The following DNAJC24 variants were observed in gnomAD, a reference collection of about 807,000 sequenced individuals.
The protein encoded by DNAJC24 is DnaJ heat shock protein family (Hsp40) member C24, also known as dnaJ homolog subfamily C member 24.
DNAJC24 carries 17 observed loss-of-function variants against 18.0 expected under a neutral mutation model. That is an observed-to-expected ratio of 0.94 (90% confidence interval 0.65 to 1.42). The LOEUF is 1.42. Ranked by LOEUF, DNAJC24 falls within the 40% of genes most tolerant of loss-of-function variation. DNAJC24 has a pLI of 0.00. For missense variants in DNAJC24, 158 were observed against 175.6 expected (o/e 0.90, Z 0.57); for synonymous variants, 55 against 57.7 (o/e 0.95, Z 0.21).
Position 31,431,785 on chromosome 11 carries a change from C to T in DNAJC24, c.*1384C>T, listed in dbSNP as rs1384808498. On this transcript the variant is annotated 3_prime_UTR_variant, in exon 5 of 5. Coordinates refer to ENST00000465995, the MANE Select transcript of DNAJC24 (RefSeq NM_181706.5). ...CGAGGTTGTGCCACTGCACTGCAGCCTGGGCTACAGAGAGCAAGACTCTGT... is the reference window on the plus strand; with the variant it reads ...CGAGGTTGTGCCACTGCACTGCAGCTTGGGCTACAGAGAGCAAGACTCTGT... 1 of 151,490 alleles carries T rather than the reference C, an allele frequency of 6.6e-6. No homozygotes were observed. Among genetic ancestry groups the T allele is most frequent in the Non-Finnish European group, 1.5e-5 (1 of 67,930 alleles). 9.4% of individuals were successfully genotyped at this position (151,490 alleles called of 1,614,324 possible). A position where few individuals can be genotyped will look rare whatever the true frequency, so the allele number is the denominator to read the frequency against.
At chr11:31,424,560 G>T (rs973242919) in intron 3 of DNAJC24, among the ~76,000 whole-genome samples, 1 of 152,208 alleles carries the variant, frequency 6.6e-6, no homozygotes, top group East Asian at 1.9e-4. Context: ...AAATTAACTT[G>T]TTTTGTTCAG....
At chr11:31,430,014 C>T (rs1952904173) in intron 4 of DNAJC24, 1 of 280,190 alleles carries the variant, frequency 3.6e-6, no homozygotes, top group African/African-American at 2.2e-5. Context: ...TGAGCATGCC[C>T]TCTCCTCCCA....
In DNAJC24 at chr11:31,414,835, G is replaced by C. The variant is rs746450440; in HGVS notation, c.136G>C (p.Asp46His). Reference sequence around the variant, plus strand: ...GTATCATCCAGATAAACAAAGTACAGATGTACCAGCAGGAACAGTGGAGGA... The same window carrying C: ...GTATCATCCAGATAAACAAAGTACACATGTACCAGCAGGAACAGTGGAGGA... ...LMYHPDKQST[D>H]VPAGTVEECV... The change falls in exon 3 of 5, where the codon GAT becomes CAT. Residue 46 changes from aspartate to histidine, a missense_variant. By Grantham distance (81) the Asp-to-His change is moderately conservative. Transcript: ENST00000465995. The C allele has an allele frequency of 6.2e-7, 1 of 1,613,714 alleles. No homozygotes were observed. Among genetic ancestry groups the C allele is most frequent in the Non-Finnish European group, 8.5e-7 (1 of 1,179,824 alleles).
intron 2 of DNAJC24, among the ~76,000 whole-genome samples, chr11:31,400,153 A>G (rs781171509): frequency 1.4e-4 from 21 of 152,150 alleles, no homozygotes; most frequent in African/African-American, 3.4e-4. Flanking sequence ...TCTTTATCCA[A>G]TCTATCACTG....
rs1417728742 is a variant in DNAJC24 at position 31,430,356 on chromosome 11, T to A, written c.405T>A (p.Ser135=). 4 of 1,610,132 alleles carry A rather than the reference T, an allele frequency of 2.5e-6. No homozygotes were observed. The South Asian group carries it at 4.4e-5, about 18-fold the overall frequency. Residue 135 remains serine, a synonymous_variant, in exon 5 of 5, where the codon TCT becomes TCA. Transcript: ENST00000465995. ...KDEAEEVSLI[S]CDTCSLIIEL... The stretch of plus-strand genomic sequence containing the variant: ...AAGCGGAAGAAGTTAGCCTGATTTC[T>A]TGTGATACATGTTCACTAATTATAG...
chr11:31,424,950 T>A (rs1453231365), intron 3 of DNAJC24, among the ~76,000 whole-genome samples: 1 of 151,972 alleles, frequency 6.6e-6, no homozygotes, highest in Admixed American at 6.6e-5. Flanking sequence ...GGGGAGTGGA[T>A]TTTAGTAGAG....
chr11:31,391,567 AC>A (rs1952496639), intron 2 of DNAJC24, among the ~76,000 whole-genome samples: 1 of 152,210 alleles, frequency 6.6e-6, no homozygotes, highest in South Asian at 2.1e-4. Context: ...ATGTCATCCC[AC>A]CCCAGTTAAA....
At chr11:31,426,390 A>AC in intron 4 of DNAJC24, 35 bp downstream of exon 4, 1 of 1,238,836 alleles carries the variant, frequency 8.1e-7, no homozygotes. Context: ...AACATTTAAA[A>AC]AAAAAAGGAA....
At chr11:31,404,104 T>A (rs950939995) in intron 2 of DNAJC24, among the ~76,000 whole-genome samples, 1 of 152,144 alleles carries the variant, frequency 6.6e-6, no homozygotes, top group Non-Finnish European at 1.5e-5. Flanking sequence ...TCACCAGAGG[T>A]CACTCTCGTG....
chr11:31,378,634 C>T (rs553125656), intron 2 of DNAJC24, among the ~76,000 whole-genome samples: 43 of 151,954 alleles, frequency 2.8e-4, no homozygotes, highest in Middle Eastern at 3.4e-3. Context: ...AAAAAGCAGG[C>T]AGTCAGTTAC....
rs541898576 is a variant in DNAJC24, at chr11:31,392,557, T to A, written c.111+21698T>A. Among the ~76,000 whole-genome samples, 13 of 152,188 alleles carry A rather than the reference T, an allele frequency of 8.5e-5. 1 individual carries two copies. The South Asian group carries it at 2.7e-3, about 32-fold the overall frequency. On this transcript the variant is annotated intron_variant, in intron 2 of 4. Coordinates refer to ENST00000465995, the MANE Select transcript of DNAJC24 (RefSeq NM_181706.5). The stretch of plus-strand genomic sequence containing the variant: ...CTTAAAAATATTTTTTCCTTACAAA[T>A]ATACCTTCATATAGACCTGGAAGAC...
chr11:31,370,842 C>G lies in DNAJC24; in HGVS notation c.94C>G (p.Gln32Glu). 6.2e-7 allele frequency: 1 copy of G among 1,600,330 alleles called. No homozygotes were observed. ...TATATCAGACCTAAAACAAAAATAT[C>G]AAAAACTCATATTAATGGTAAGTCT... is the stretch of plus-strand genomic sequence containing the variant. ...ANISDLKQKY[Q>E]KLILMYHPDK... The change falls in exon 2 of 5, where the codon CAA (glutamine) becomes GAA (glutamate). Residue 32 changes from glutamine (Q) to glutamate (E), a missense_variant. Coordinates refer to ENST00000465995, the MANE Select transcript of DNAJC24 (RefSeq NM_181706.5).
At chr11:31,395,635 T>C (rs569163948) in intron 2 of DNAJC24, among the ~76,000 whole-genome samples, 77 of 152,344 alleles carry the variant, frequency 5.1e-4, no homozygotes, top group African/African-American at 1.8e-3. Context: ...TTATTTGATT[T>C]TTACAAAACA....
chr11:31,383,985 T>C (rs1030742865), intron 2 of DNAJC24, among the ~76,000 whole-genome samples: 1 of 152,230 alleles, frequency 6.6e-6, no homozygotes, highest in Non-Finnish European at 1.5e-5. Context: ...GGCAAAATAC[T>C]CTCAGGGCAA....
rs1256105733 is a variant in DNAJC24 at position 31,381,015 on chromosome 11, A to C, written c.111+10156A>C. ...ATTACATAGTATACTTTCAACCAAAATGTTTTGTAAGAAGTCTGATTAGTG... is the reference window on the plus strand; with the variant it reads ...ATTACATAGTATACTTTCAACCAAACTGTTTTGTAAGAAGTCTGATTAGTG... On this transcript the variant is annotated intron_variant, in intron 2 of 4. Transcript: ENST00000465995. 2.0e-5 allele frequency among the ~76,000 whole-genome samples: 3 copies of C among 152,180 alleles called. No individual in the cohort carries two copies. In the East Asian group the frequency reaches 5.8e-4, roughly 29 times the overall value.
intron 2 of DNAJC24, among the ~76,000 whole-genome samples, chr11:31,390,774 G>T (rs181192383): frequency 1.1e-4 from 17 of 149,404 alleles, no homozygotes; most frequent in African/African-American, 3.9e-4. Context: ...ATTCACTGCC[G>T]AATTCTACCA....
In DNAJC24 at chr11:31,372,226, G is replaced by A. The variant is rs551228248; in HGVS notation, c.111+1367G>A. The stretch of plus-strand genomic sequence containing the variant: ...TGTGATGCTTCTTAAGCCAATGTCT[G>A]TAATTCTATACCGACGTCCGGTTAA... On this transcript the variant is annotated intron_variant, in intron 2 of 4. Coordinates refer to ENST00000465995, the MANE Select transcript of DNAJC24 (RefSeq NM_181706.5). 2.2e-5 allele frequency among the ~76,000 whole-genome samples: 3 copies of A among 137,362 alleles called. No individual in the cohort carries two copies. In the Admixed American group the frequency reaches 2.2e-4, roughly 10 times the overall value. 90.1% of individuals were successfully genotyped at this position (137,362 alleles called of 152,430 possible).
chr11:31,376,460 T>C (rs1051896341), intron 2 of DNAJC24, among the ~76,000 whole-genome samples: 1 of 152,238 alleles, frequency 6.6e-6, no homozygotes, highest in Non-Finnish European at 1.5e-5. Flanking sequence ...GGCTAGGAAG[T>C]ATAGAGTAGT....
At chr11:31,414,339 A>AT (rs1171273017) in intron 2 of DNAJC24, among the ~76,000 whole-genome samples, 3 of 152,166 alleles carry the variant, frequency 2.0e-5, no homozygotes, top group Non-Finnish European at 4.4e-5. Context: ...AATTAGATAT[A>AT]TTTTTATTTA....
Sources: allele counts gnomAD v4.1 joint callset (sites outside exome capture counted in the v4.1 genomes callset), GRCh38; gene constraint gnomAD v4.1.1; transcripts MANE v1.5; gene names NCBI Gene and HGNC (gene_info 2026-07-23, HGNC 2026-07-21).